The following VDAC2 variants were observed in gnomAD, a reference collection of about 807,000 sequenced individuals.
VDAC2 encodes non-selective voltage-gated ion channel VDAC2.
VDAC2 carries 6 observed loss-of-function variants against 36.6 expected under a neutral mutation model. The observed-to-expected ratio is 0.16, with a 90% CI of 0.09 to 0.32. The LOEUF is 0.32. VDAC2 is among the 10% of genes least tolerant of loss of function. The pLI is 1.00. For synonymous variants in VDAC2, 109 were observed against 123.8 expected, an observed-to-expected ratio of 0.88 and a Z score of 0.79; for missense variants, 247 against 346.0, an observed-to-expected ratio of 0.71 and a Z score of 2.27.
chr10:75,222,357 T>C lies in VDAC2; in HGVS notation c.690T>C (p.Phe230=). ...AWTSGTNCTR[F]GIAAKYQLDP... ...CATCAGGTACCAACTGCACTCGTTT[T>C]GGCATTGCAGCTAAATATCAGTTGG... is the stretch of plus-strand genomic sequence containing the variant. The change falls in exon 8 of 10, where the codon TTT becomes TTC. Residue 230 remains phenylalanine, a synonymous_variant. Transcript: ENST00000332211. 1 of 1,614,224 alleles carries C rather than the reference T, an allele frequency of 6.2e-7. No homozygotes were observed. Among genetic ancestry groups the C allele is most frequent in the East Asian group, 2.2e-5 (1 of 44,888 alleles).
intron 8 of VDAC2, among the ~76,000 whole-genome samples, chr10:75,224,655 T>C (rs534911096): frequency 1.3e-5 from 2 of 152,328 alleles, no homozygotes; most frequent in South Asian, 2.1e-4. Context: ...ATTATTGTTA[T>C]TTGTGATAGC....
intron 8 of VDAC2, among the ~76,000 whole-genome samples, chr10:75,227,576 A>ATTTTTTTTTTTTT (rs1841989654): frequency 1.1e-5 from 1 of 90,768 alleles, no homozygotes; most frequent in African/African-American, 5.4e-5. Flanking sequence ...AAATAATAGG[A>ATTTTTTTTTTTTT]ATTTTTTTTT....
intron 8 of VDAC2, among the ~76,000 whole-genome samples, chr10:75,226,643 A>G (rs968257118): frequency 1.3e-5 from 2 of 151,766 alleles, no homozygotes; most frequent in African/African-American, 4.8e-5. Flanking sequence ...TTGTATTTTT[A>G]GTAGAAATGA....
At chr10:75,226,279 A>G (rs138523975) in intron 8 of VDAC2, among the ~76,000 whole-genome samples, 20 of 151,954 alleles carry the variant, frequency 1.3e-4, no homozygotes, top group South Asian at 2.1e-4. Flanking sequence ...CTATGATACT[A>G]TGGTGTATAT....
In VDAC2 at chr10:75,229,865, GC is replaced by G. The variant is rs773335667; in HGVS notation, c.793+165del. ...CACAATTTTTTATTTCTTTTTCTTT[GC>G]TTTTTTTTTTTTTGCTGGGCCATTT... On this transcript the variant is annotated intron_variant, in intron 9 of 9. Transcript: ENST00000332211. 6.2e-3 allele frequency among the ~76,000 whole-genome samples: 921 copies of G among 147,862 alleles called. 6 individuals carry two copies. Among genetic ancestry groups the G allele is most frequent in the Non-Finnish European group, 9.2e-3 (618 of 67,026 alleles).
At chr10:75,213,605 G>A (rs550698615) in intron 3 of VDAC2, among the ~76,000 whole-genome samples, 67 of 152,224 alleles carry the variant, frequency 4.4e-4, no homozygotes, top group African/African-American at 1.5e-3. Flanking sequence ...TTAGCCAGGC[G>A]TGGTGGCACG....
intron 8 of VDAC2, among the ~76,000 whole-genome samples, chr10:75,223,826 T>G (rs1841886633): frequency 6.6e-6 from 1 of 152,056 alleles, no homozygotes; most frequent in Non-Finnish European, 1.5e-5. Context: ...GTTTAATCAG[T>G]CATGCCTGTA....
At chr10:75,229,874 T>C (rs571928943) in intron 9 of VDAC2, among the ~76,000 whole-genome samples, 173 bp downstream of exon 9, 66 of 151,984 alleles carry the variant, frequency 4.3e-4, no homozygotes, top group African/African-American at 1.5e-3. Context: ...TGCTTTTTTT[T>C]TTTTTGCTGG....
chr10:75,218,137 A>C, intron 4 of VDAC2: 1 of 352,614 alleles, frequency 2.8e-6, no homozygotes. Context: ...TTTCTTTTTC[A>C]GTTCGTGTGC....
intron 4 of VDAC2, among the ~76,000 whole-genome samples, chr10:75,215,384 C>A (rs1841570471): frequency 6.7e-6 from 1 of 150,114 alleles, no homozygotes; most frequent in South Asian, 2.1e-4. Context: ...CGGAGTCTTG[C>A]ACTGTCACCC....
At chr10:75,219,509 G>A (rs934258153) in intron 6 of VDAC2, among the ~76,000 whole-genome samples, 153 bp downstream of exon 6, 17 of 152,188 alleles carry the variant, frequency 1.1e-4, no homozygotes, top group Admixed American at 3.9e-4. Flanking sequence ...TTGAGATGGA[G>A]TCTTTGCTGT....
intron 7 of VDAC2, among the ~76,000 whole-genome samples, chr10:75,221,649 A>G (rs895602552): frequency 2.0e-5 from 3 of 151,804 alleles, no homozygotes; most frequent in Non-Finnish European, 2.9e-5. Context: ...GTTTTTAATT[A>G]TTTTTGTAGA....
chr10:75,213,558 C>T (rs540137105), intron 3 of VDAC2, among the ~76,000 whole-genome samples: 9 of 152,124 alleles, frequency 5.9e-5, no homozygotes, highest in South Asian at 4.1e-4. Flanking sequence ...TCCTAGCTAA[C>T]ACGGTGAAAC....
At chr10:75,218,974 CAG>C in intron 4 of VDAC2, 87 bp from the exon 5 acceptor site, 14 of 1,343,340 alleles carry the variant, frequency 1.0e-5, no homozygotes, top group East Asian at 2.4e-5. Context: ...CCAAATGTTT[CAG>C]GGGGTTTGTG....
At chr10:75,230,830 A>T in intron 9 of VDAC2, 68 bp from the exon 10 acceptor site, 1 of 1,359,994 alleles carries the variant, frequency 7.4e-7, no homozygotes, top group Non-Finnish European at 1.0e-6. Flanking sequence ...CTGTGAAAGA[A>T]GGCCCAGACT....
chr10:75,218,942 AG>A, intron 4 of VDAC2, 120 bp from the exon 5 acceptor site: 1 of 973,812 alleles, frequency 1.0e-6, no homozygotes, highest in Non-Finnish European at 1.4e-6. Flanking sequence ...TTAGGAAGCT[AG>A]AAAAAGGATT....
chr10:75,228,019 C>T (rs1362422115), intron 8 of VDAC2, among the ~76,000 whole-genome samples: 3 of 151,866 alleles, frequency 2.0e-5, no homozygotes, highest in Non-Finnish European at 4.4e-5. Flanking sequence ...CTTAGCCTCC[C>T]GAGTAGCTGG....
intron 6 of VDAC2, among the ~76,000 whole-genome samples, chr10:75,219,667 T>G (rs1052567019): frequency 4.6e-5 from 7 of 151,584 alleles, no homozygotes; most frequent in African/African-American, 1.7e-4. Flanking sequence ...GTATTTTTAG[T>G]AGAGGCGGGG....
chr10:75,212,386 TTGTAAA>T, intron 3 of VDAC2, 88 bp downstream of exon 3: 2 of 1,159,764 alleles, frequency 1.7e-6, no homozygotes, highest in South Asian at 2.7e-5. Context: ...TCATTGCAAA[TTGTAAA>T]TATCTTGCTG....
Sources: allele counts gnomAD v4.1 joint callset (sites outside exome capture counted in the v4.1 genomes callset), GRCh38; gene constraint gnomAD v4.1.1; transcripts MANE v1.5; gene names NCBI Gene and HGNC (gene_info 2026-07-23, HGNC 2026-07-21).